Variants in VAT1L observed in about 807,000 individuals in gnomAD.
VAT1L encodes the protein putative NADPH-dependent quinone oxidoreductase VAT1L.
Under a neutral mutation model 44.1 loss-of-function variants are expected in VAT1L, and 34 were observed. That is an observed-to-expected ratio of 0.77 (90% CI 0.59 to 1.03). VAT1L has a LOEUF of 1.03. Among genes scored for constraint, VAT1L ranks in the 50% least tolerant of loss-of-function variants. The pLI is 0.00. For synonymous variants in VAT1L, 253 were observed against 202.2 expected, an observed-to-expected ratio of 1.25 and a Z score of -2.13; for missense variants, 615 against 538.8, an observed-to-expected ratio of 1.14 and a Z score of -1.40.
intron 1 of VAT1L, among the ~76,000 whole-genome samples, chr16:77,797,770 CT>C (rs1417179604): frequency 6.6e-6 from 1 of 152,070 alleles, no homozygotes; most frequent in Non-Finnish European, 1.5e-5. Context: ...AAGAGAGAGC[CT>C]TTTGGACATC....
chr16:77,834,426 G>C (rs937911428), intron 3 of VAT1L, among the ~76,000 whole-genome samples: 9 of 152,168 alleles, frequency 5.9e-5, no homozygotes, highest in Admixed American at 5.9e-4. Flanking sequence ...CCATGCATCT[G>C]AGTTTGGACC....
At chr16:77,798,181 CTG>C (rs1428088010) in intron 1 of VAT1L, among the ~76,000 whole-genome samples, 1 of 152,148 alleles carries the variant, frequency 6.6e-6, no homozygotes, top group Non-Finnish European at 1.5e-5. Flanking sequence ...CTCTAAATAA[CTG>C]TGGTCCCCAG....
chr16:77,954,215 C>T (rs2018076544), intron 7 of VAT1L, among the ~76,000 whole-genome samples: 1 of 152,168 alleles, frequency 6.6e-6, no homozygotes, highest in Non-Finnish European at 1.5e-5. Context: ...AGCTGAGATC[C>T]GATTTCTTGT....
At chr16:77,944,922 C>T (rs987029893) in intron 7 of VAT1L, among the ~76,000 whole-genome samples, 1 of 152,102 alleles carries the variant, frequency 6.6e-6, no homozygotes, top group Admixed American at 6.5e-5. Flanking sequence ...CCCCGCCACA[C>T]ACACACACAG....
At chr16:77,861,523 G>A (rs914148365) in intron 3 of VAT1L, among the ~76,000 whole-genome samples, 1 of 152,234 alleles carries the variant, frequency 6.6e-6, no homozygotes, top group Non-Finnish European at 1.5e-5. Context: ...GATATAATAA[G>A]CCCCTAAGGG....
intron 5 of VAT1L, among the ~76,000 whole-genome samples, chr16:77,877,277 G>A (rs1229138709): frequency 2.0e-5 from 3 of 152,058 alleles, no homozygotes; most frequent in Admixed American, 6.6e-5. Context: ...TTGGGAGGCC[G>A]AGGCGGGCGG....
intron 7 of VAT1L, among the ~76,000 whole-genome samples, chr16:77,926,381 C>G (rs376401249): frequency 6.6e-5 from 10 of 151,946 alleles, no homozygotes; most frequent in Admixed American, 2.0e-4. Context: ...ACAGGTGTTT[C>G]GAAACCAGCC....
At chr16:77,820,227 C>G (rs2016428332) in intron 2 of VAT1L, among the ~76,000 whole-genome samples, 1 of 152,070 alleles carries the variant, frequency 6.6e-6, no homozygotes, top group Admixed American at 6.6e-5. Flanking sequence ...GAACTTTTAC[C>G]TAACACTAGG....
chr16:77,876,346 T>C, intron 4 of VAT1L, 24 bp from the exon 5 acceptor site: 2 of 1,606,984 alleles, frequency 1.2e-6, no homozygotes, highest in Middle Eastern at 3.3e-4. Flanking sequence ...TCACAGAATT[T>C]TGCTTTGCCT....
In VAT1L at chr16:77,956,998, A is replaced by C. The variant is rs74919627; in HGVS notation, c.1078-14852A>C. On this transcript the variant is annotated intron_variant, in intron 7 of 8. Coordinates refer to ENST00000302536, the MANE Select transcript of VAT1L (RefSeq NM_020927.3). ...TCCTGCAAACCAGCCCTTTTTCTCC[A>C]AGCCTAAGAAATGATCACCTCTGAC... Among the ~76,000 whole-genome samples the C allele has an allele frequency of 5.2e-3, 798 of 152,270 alleles. 4 individuals are homozygous for C. The highest frequency in any genetic ancestry group is 9.3e-3 in the Non-Finnish European group (631 of 68,022).
At chr16:77,833,941 C>T (rs1002055964) in intron 3 of VAT1L, among the ~76,000 whole-genome samples, 5 of 152,122 alleles carry the variant, frequency 3.3e-5, no homozygotes, top group Admixed American at 3.3e-4. Flanking sequence ...CTTCCATTCA[C>T]TGCTGTTTTA....
At chr16:77,969,738 G>T (rs1295553976) in intron 7 of VAT1L, among the ~76,000 whole-genome samples, 1 of 151,960 alleles carries the variant, frequency 6.6e-6, no homozygotes, top group Non-Finnish European at 1.5e-5. Context: ...CCAGGCAATG[G>T]GGATGACTGA....
chr16:77,818,994 G>A lies in VAT1L; in HGVS notation c.363+1944G>A, dbSNP rs2016403067. ...GAATAACTTGGGTGCATTTTGGCCA[G>A]GACTGATTTTTTTTTTCTTAGCAGA... On this transcript the variant is annotated intron_variant, in intron 2 of 8. Coordinates refer to ENST00000302536, the MANE Select transcript of VAT1L (RefSeq NM_020927.3). 2.0e-5 allele frequency among the ~76,000 whole-genome samples: 3 copies of A among 147,544 alleles called. No individual in the cohort carries two copies. The South Asian group carries it at 6.5e-4, about 32-fold the overall frequency.
rs183025612 is a variant in VAT1L at position 77,862,404 on chromosome 16, C to T, written c.580-344C>T. Among the ~76,000 whole-genome samples the T allele has an allele frequency of 7.2e-5, 11 of 152,148 alleles. No individual in the cohort carries two copies. The East Asian group carries it at 1.7e-3, about 24-fold the overall frequency. ...CTGAGGCGGGTGGATTACCTGAGCT[C>T]AGGAGTTCGAGACCAGCCTGGGCAA... On this transcript the variant is annotated intron_variant, in intron 3 of 8. Coordinates refer to ENST00000302536, the MANE Select transcript of VAT1L (RefSeq NM_020927.3).
At chr16:77,976,375 A>ATAGGTATG (rs951370209) in intron 8 of VAT1L, among the ~76,000 whole-genome samples, 1 of 152,198 alleles carries the variant, frequency 6.6e-6, no homozygotes, top group African/African-American at 2.4e-5. Flanking sequence ...TAAAGGAAAC[A>ATAGGTATG]TAGGTATGGA....
chr16:77,812,154 T>C (rs567875200), intron 1 of VAT1L, among the ~76,000 whole-genome samples: 2 of 151,150 alleles, frequency 1.3e-5, no homozygotes, highest in South Asian at 4.2e-4. Flanking sequence ...TGATCTTGGC[T>C]CACTGCCTTC....
intron 7 of VAT1L, among the ~76,000 whole-genome samples, chr16:77,898,278 G>C (rs889494682): frequency 2.0e-5 from 3 of 152,148 alleles, no homozygotes; most frequent in Non-Finnish European, 4.4e-5. Flanking sequence ...ATAAGGTTGC[G>C]ATGGAGTTGC....
At chr16:77,877,718 CTGCTATTTCCT>C (rs1325320028) in intron 5 of VAT1L, among the ~76,000 whole-genome samples, 6 of 152,154 alleles carry the variant, frequency 3.9e-5, no homozygotes, top group African/African-American at 1.2e-4. Flanking sequence ...ACTTATTTCC[CTGCTATTTCCT>C]GAAGAGCTTA....
At chr16:77,970,069 AAAAAAAGGC>A (rs1828422228) in intron 7 of VAT1L, among the ~76,000 whole-genome samples, 1 of 150,808 alleles carries the variant, frequency 6.6e-6, no homozygotes, top group Admixed American at 6.6e-5. Flanking sequence ...AAAAAAAAAA[AAAAAAAGGC>A]AAAAAATTAG....
Sources: gnomAD v4.1 joint callset for allele counts (sites outside exome capture counted in the v4.1 genomes callset) on GRCh38, gnomAD v4.1.1 for gene constraint, MANE v1.5 for transcripts, NCBI Gene and HGNC (gene_info 2026-07-23, HGNC 2026-07-21) for gene names.